SLC44A1: variants seen among roughly 807,000 people sequenced by gnomAD.
The protein encoded by SLC44A1 is solute carrier family 44 member 1, also known as choline transporter-like protein 1.
SLC44A1 carries 26 observed loss-of-function variants against 79.3 expected under a neutral mutation model. The ratio of observed to expected loss-of-function variants is 0.33; its 90% confidence interval spans 0.24 to 0.46. The LOEUF is 0.46. SLC44A1 is among the 20% of genes least tolerant of loss of function. SLC44A1 has a pLI of 1.00. For missense variants in SLC44A1, 688 were observed against 798.1 expected, an observed-to-expected ratio of 0.86 and a Z score of 1.66; for synonymous variants, 263 against 286.2, an observed-to-expected ratio of 0.92 and a Z score of 0.82.
Position 105,395,135 on chromosome 9 carries a change from A to G in SLC44A1, c.*6079A>G, listed in dbSNP as rs1408344788. The G allele has an allele frequency of 1.0e-6, 1 of 985,362 alleles. No homozygotes were observed. The highest frequency in any genetic ancestry group is 1.2e-6 in the Non-Finnish European group (1 of 829,976). The allele number at this position is 985,362 out of a possible 1,614,324, so 61.0% of individuals were successfully genotyped here. The stretch of plus-strand genomic sequence containing the variant: ...CTTTTTCAGGCTGAAGAAAGTGGAA[A>G]TATAACTGGCTGGTGAAGAAAGGAG... On this transcript the variant is annotated 3_prime_UTR_variant, in exon 16 of 16. Transcript: ENST00000374720.
rs373553313 is a variant in SLC44A1 at position 105,363,261 on chromosome 9, C to A, written c.1087+254C>A. Among the ~76,000 whole-genome samples, 10 of 151,796 alleles carry A rather than the reference C, an allele frequency of 6.6e-5. 1 individual carries two copies. The East Asian group carries it at 1.4e-3, about 21-fold the overall frequency. ...CACTGCAACCTCCGCCTCCCGGGTT[C>A]AAGTGATTCTTCTGCCTCAGCCTCC... is the stretch of plus-strand genomic sequence containing the variant. On this transcript the variant is annotated intron_variant, in intron 9 of 15. Transcript: ENST00000374720.
At chr9:105,316,557 A>G (rs1831332273) in intron 3 of SLC44A1, among the ~76,000 whole-genome samples, 1 of 152,182 alleles carries the variant, frequency 6.6e-6, no homozygotes, top group Non-Finnish European at 1.5e-5. Context: ...GTTTTCTATA[A>G]TCGATATATA....
intron 4 of SLC44A1, among the ~76,000 whole-genome samples, chr9:105,341,622 G>A (rs934796439): frequency 2.0e-5 from 3 of 152,104 alleles, no homozygotes; most frequent in Non-Finnish European, 4.4e-5. Context: ...GGAATATCCA[G>A]GCCCTAATAT....
At position 105,395,945 on chromosome 9, in the gene SLC44A1, G is replaced by A. The variant is rs1250820225; in HGVS notation, c.*6889G>A. 1.0e-6 allele frequency: 1 copy of A among 981,474 alleles called. No individual in the cohort carries two copies. The highest frequency in any genetic ancestry group is 1.2e-6 in the Non-Finnish European group (1 of 828,118). The allele number at this position is 981,474 out of a possible 1,614,324, so 60.8% of individuals were successfully genotyped here. The stretch of plus-strand genomic sequence containing the variant: ...TGTATTAGATACCCCACAGGAATGT[G>A]ACAATAATAGGATAGCTTTGGGGGC... On this transcript the variant is annotated 3_prime_UTR_variant, in exon 16 of 16. Coordinates refer to ENST00000374720, the MANE Select transcript of SLC44A1 (RefSeq NM_080546.5).
rs1254181267 is a variant in SLC44A1 at position 105,397,059 on chromosome 9, A to G, written c.*8003A>G. On this transcript the variant is annotated 3_prime_UTR_variant, in exon 16 of 16. Transcript: ENST00000374720. ...ACTTTAAAAATATGTATATTAAGCA[A>G]TTAACTTTCTGGAGTTGGAGTTATC... is the stretch of plus-strand genomic sequence containing the variant. 1.2e-5 allele frequency: 12 copies of G among 985,150 alleles called. No homozygotes were observed. In the Admixed American group the frequency reaches 4.3e-4, roughly 35 times the overall value. 61.0% of individuals were successfully genotyped at this position (985,150 alleles called of 1,614,324 possible).
At chr9:105,381,945 A>G (rs545742995) in intron 13 of SLC44A1, among the ~76,000 whole-genome samples, 1 of 152,358 alleles carries the variant, frequency 6.6e-6, no homozygotes, top group Non-Finnish European at 1.5e-5. Flanking sequence ...AGAGGCTGCC[A>G]TGATTCTAGG....
chr9:105,369,418 T>A (rs534748129), intron 12 of SLC44A1, among the ~76,000 whole-genome samples: 4 of 152,254 alleles, frequency 2.6e-5, no homozygotes, highest in East Asian at 1.9e-4. Flanking sequence ...GGTATTTTTT[T>A]AAATAAGGGC....
intron 3 of SLC44A1, among the ~76,000 whole-genome samples, chr9:105,323,433 C>T (rs1251529882): frequency 6.6e-6 from 1 of 151,996 alleles, no homozygotes; most frequent in Non-Finnish European, 1.5e-5. Flanking sequence ...TTGAAAATAA[C>T]AACAGTAATG....
chr9:105,381,467 GAACCC>G (rs369228622), intron 13 of SLC44A1, among the ~76,000 whole-genome samples: 78 of 151,630 alleles, frequency 5.1e-4, no homozygotes, highest in Middle Eastern at 3.4e-3. Flanking sequence ...AGAATTGCTT[GAACCC>G]AGGAGGTGGA....
chr9:105,353,141 T>C (rs1276145352), intron 5 of SLC44A1, among the ~76,000 whole-genome samples: 2 of 152,210 alleles, frequency 1.3e-5, no homozygotes. Context: ...CATGTGCTAA[T>C]TTTATACCTT....
rs933651375 is a variant in SLC44A1 at position 105,395,704 on chromosome 9, C to T, written c.*6648C>T. On this transcript the variant is annotated 3_prime_UTR_variant, in exon 16 of 16. Coordinates refer to ENST00000374720, the MANE Select transcript of SLC44A1 (RefSeq NM_080546.5). ...CGTGTATGAATCTGATCCACCCATC[C>T]TGTCAGCTAGGATTATAATTTGAAC... is the stretch of plus-strand genomic sequence containing the variant. 63 of 985,342 alleles carry T rather than the reference C, an allele frequency of 6.4e-5. No individual in the cohort carries two copies. In the African/African-American group the frequency reaches 9.1e-4, roughly 14 times the overall value. 61.0% of individuals were successfully genotyped at this position (985,342 alleles called of 1,614,324 possible).
chr9:105,414,189 A>G (rs868601449), intron 15 of SLC44A1, among the ~76,000 whole-genome samples: 25 of 152,116 alleles, frequency 1.6e-4, no homozygotes, highest in South Asian at 6.2e-4. Flanking sequence ...CAGCCTCCCA[A>G]GTAGCTGGGA....
At position 105,395,756 on chromosome 9, in the gene SLC44A1, CAT is replaced by C. The variant is rs764006398; in HGVS notation, c.*6703_*6704del. On this transcript the variant is annotated 3_prime_UTR_variant, in exon 16 of 16. Transcript: ENST00000374720. ...GTCGTTTCAGGAGCATGTGTTAAAT[CAT>C]ATGAGTAAAAAAAAAGTAGACATTG... is the stretch of plus-strand genomic sequence containing the variant. The C allele has an allele frequency of 1.0e-6, 1 of 984,786 alleles. No homozygotes were observed. The highest frequency in any genetic ancestry group is 1.2e-6 in the Non-Finnish European group (1 of 829,496). 61.0% of individuals were successfully genotyped at this position (984,786 alleles called of 1,614,324 possible). A position where few individuals can be genotyped will look rare whatever the true frequency, so the allele number is the denominator to read the frequency against.
At chr9:105,397,760 C>T (rs898713011), downstream of SLC44A1, among the ~76,000 whole-genome samples, 1 of 151,690 alleles carries the variant, frequency 6.6e-6, no homozygotes, top group Non-Finnish European at 1.5e-5. Flanking sequence ...CTGGCTAACA[C>T]GGTGAAACCC....
chr9:105,300,746 A>G (rs935114428), intron 2 of SLC44A1, among the ~76,000 whole-genome samples: 3 of 151,816 alleles, frequency 2.0e-5, no homozygotes, highest in Admixed American at 1.3e-4. Flanking sequence ...TATAACATGC[A>G]TGAATGTTTA....
At chr9:105,403,788 G>GT (rs1210472327) in intron 15 of SLC44A1, among the ~76,000 whole-genome samples, 3 of 151,168 alleles carry the variant, frequency 2.0e-5, no homozygotes, top group African/African-American at 7.3e-5. Context: ...GAGGAATAGC[G>GT]TGTGTGAAGA....
chr9:105,416,932 A>T (rs1428061625), intron 15 of SLC44A1, among the ~76,000 whole-genome samples: 2 of 152,260 alleles, frequency 1.3e-5, no homozygotes, highest in Non-Finnish European at 1.5e-5. Flanking sequence ...TGAGAATTTC[A>T]TGCAGATTAA....
rs115775075 is a variant in SLC44A1, at chr9:105,383,815, T to C, written c.1869+456T>C. ...ATTATCTTAAATATGGTAGGCCAAA[T>C]TGAAAGCATTTTGTGATGAATACCG... On this transcript the variant is annotated intron_variant, in intron 14 of 15. Coordinates refer to ENST00000374720, the MANE Select transcript of SLC44A1 (RefSeq NM_080546.5). Among the ~76,000 whole-genome samples the C allele has an allele frequency of 3.0e-3, 461 of 152,334 alleles. 4 individuals carry two copies. Among genetic ancestry groups the C allele is most frequent in the African/African-American group, 0.011 (446 of 41,570 alleles).
intron 1 of SLC44A1, among the ~76,000 whole-genome samples, chr9:105,273,267 C>T (rs1436093822): frequency 3.9e-5 from 6 of 152,198 alleles, no homozygotes; most frequent in Non-Finnish European, 4.4e-5. Context: ...GCTAGGATTA[C>T]AGGCATGGGC....
Sources: gnomAD v4.1 joint callset for allele counts (sites outside exome capture counted in the v4.1 genomes callset) on GRCh38, gnomAD v4.1.1 for gene constraint, MANE v1.5 for transcripts, NCBI Gene and HGNC (gene_info 2026-07-23, HGNC 2026-07-21) for gene names.